Variants in CLUH observed in about 807,000 individuals in gnomAD.
The protein encoded by CLUH is clustered mitochondria protein homolog.
CLUH carries 77 observed loss-of-function variants against 139.3 expected under a neutral mutation model. The ratio of observed to expected loss-of-function variants is 0.55; its 90% CI spans 0.46 to 0.67. CLUH has a LOEUF of 0.67. Among genes scored for constraint, CLUH ranks in the 30% least tolerant of loss-of-function variants. The pLI, the probability that CLUH is intolerant of heterozygous loss-of-function variation, is 0.00. For missense variants in CLUH, 1,876 were observed against 1,875.8 expected, an observed-to-expected ratio of 1.00 and a Z score of 0.00; for synonymous variants, 999 against 801.6, an observed-to-expected ratio of 1.25 and a Z score of -4.16.
chr17:2,700,991 G>A, intron 7 of CLUH, 149 bp downstream of exon 7: 1 of 1,456,936 alleles, frequency 6.9e-7, no homozygotes, highest in Non-Finnish European at 9.2e-7. Context: ...TGCTGTCTCG[G>A]CACTGGCCGA....
chr17:2,693,995 G>A lies in CLUH; in HGVS notation c.3136C>T (p.Leu1046=). 6.2e-7 allele frequency: 1 copy of A among 1,613,952 alleles called. No homozygotes were observed. The highest frequency in any genetic ancestry group is 8.5e-7 in the Non-Finnish European group (1 of 1,179,860). Residue 1046 remains leucine (L), a synonymous_variant, in exon 19 of 26, where the codon CTG becomes TTG. Coordinates refer to ENST00000651024, the MANE Select transcript of CLUH (RefSeq NM_001366661.1). ...ATGGCTCCGTAGACGTTGTTAAACA[G>A]GTTCAGGGCCTCATTGATGAGCTCA... The part of the protein sequence containing the change: ...GCELINEALN[L]FNNVYGAMHV...
intron 8 of CLUH, 73 bp from the exon 9 acceptor site, chr17:2,700,547 C>CT: frequency 6.4e-7 from 1 of 1,559,506 alleles, no homozygotes; most frequent in Non-Finnish European, 8.7e-7. Flanking sequence ...GTCGCTCCTT[C>CT]TACCTTCCTG....
intron 13 of CLUH, 173 bp downstream of exon 13, chr17:2,695,986 G>A (rs1488572186): frequency 3.2e-5 from 20 of 618,282 alleles, no homozygotes; most frequent in African/African-American, 2.6e-4. Context: ...CAGGGCCTGT[G>A]CCCTTGACCT....
chr17:2,700,847 G>A lies in CLUH; in HGVS notation c.1026-22C>T, dbSNP rs1046617617. On this transcript the variant is annotated intron_variant, in intron 7 of 25. Transcript: ENST00000651024. Reference sequence around the variant, plus strand: ...GACCCTGTGGCAGGCAGGGGAGGGGGAGATGGGGCAGCCCACCAAGCTCAG... The same window carrying A: ...GACCCTGTGGCAGGCAGGGGAGGGGAAGATGGGGCAGCCCACCAAGCTCAG... 5.3e-6 allele frequency: 8 copies of A among 1,508,050 alleles called. No homozygotes were observed. The African/African-American group carries it at 8.4e-5, about 16-fold the overall frequency. The allele number at this position is 1,508,050 out of a possible 1,614,324, so 93.4% of individuals were successfully genotyped here.
chr17:2,697,966 A>C lies in CLUH; in HGVS notation c.1891T>G (p.Phe631Val). The C allele has an allele frequency of 6.4e-7, 1 of 1,573,670 alleles. No individual in the cohort carries two copies. ...ELPEECARAG[F>V]PRAHRHKLCC... ...AGCTTGTGCCGGTGGGCGCGGGGGA[A>C]GCCGGCGCGGGCGCATTCCTCAGGC... The change falls in exon 10 of 26, where the codon TTC becomes GTC. Residue 631 changes from phenylalanine (F) to valine (V), a missense_variant. Phe to Val is a conservative substitution (Grantham distance 50). Coordinates refer to ENST00000651024, the MANE Select transcript of CLUH (RefSeq NM_001366661.1).
At position 2,704,851 on chromosome 17, in the gene CLUH, G is replaced by A. The variant is rs898076919; in HGVS notation, c.101-287C>T. Reference sequence around the variant, plus strand: ...CAAAGCCACCCTTCAAGCCAAGCCCGAGGGTCTCCTCCGGCCCTAACACAC... The same window carrying A: ...CAAAGCCACCCTTCAAGCCAAGCCCAAGGGTCTCCTCCGGCCCTAACACAC... On this transcript the variant is annotated intron_variant, in intron 1 of 25. Transcript: ENST00000651024. This position sits in a 1 kb window ranked among gnomAD's most constrained non-coding sequence, Gnocchi z 5.7. Among the ~76,000 whole-genome samples, 1 of 152,046 alleles carries A rather than the reference G, an allele frequency of 6.6e-6. No individual in the cohort carries two copies. Among genetic ancestry groups the A allele is most frequent in the Admixed American group, 6.5e-5 (1 of 15,274 alleles).
At chr17:2,699,670 C>A (rs1174259218) in intron 9 of CLUH, among the ~76,000 whole-genome samples, 2 of 149,678 alleles carry the variant, frequency 1.3e-5, no homozygotes, top group Non-Finnish European at 3.0e-5. Flanking sequence ...CTTGTTCTGT[C>A]GCCCAGGCTG....
chr17:2,695,895 CT>C (rs1247185112), intron 13 of CLUH: 2 of 587,556 alleles, frequency 3.4e-6, no homozygotes, highest in Admixed American at 3.1e-5. Flanking sequence ...CCACTGAGCT[CT>C]GGCCCCGTCC....
chr17:2,697,483 G>A (rs1305300817), intron 10 of CLUH, among the ~76,000 whole-genome samples: 1 of 151,920 alleles, frequency 6.6e-6, no homozygotes, highest in Non-Finnish European at 1.5e-5. Flanking sequence ...TCTCAACAGT[G>A]ACAGGAAGCC....
At chr17:2,695,607 C>A (rs2069909785) in intron 13 of CLUH, 81 bp from the exon 14 acceptor site, 2 of 1,451,512 alleles carry the variant, frequency 1.4e-6, no homozygotes, top group East Asian at 2.5e-5. Context: ...GCACAGCTAT[C>A]CTGGGAGGCC....
At position 2,692,861 on chromosome 17, in the gene CLUH, C is replaced by T; in HGVS notation, c.3232-1G>A. ...CCGCCTTCTGCTGGTTACTCAGGGCCTGGGGAGAGACAGTGGTGGTTGCCG... is the reference window on the plus strand; with the variant it reads ...CCGCCTTCTGCTGGTTACTCAGGGCTTGGGGAGAGACAGTGGTGGTTGCCG... On this transcript the variant is annotated splice_acceptor_variant, in intron 19 of 25. Transcript: ENST00000651024. LOFTEE classifies it high-confidence loss of function. 3 of 1,589,354 alleles carry T rather than the reference C, an allele frequency of 1.9e-6. No individual in the cohort carries two copies. Among genetic ancestry groups the T allele is most frequent in the Non-Finnish European group, 2.6e-6 (3 of 1,165,588 alleles).
chr17:2,695,429 T>C lies in CLUH; in HGVS notation c.2489A>G (p.Lys830Arg), dbSNP rs1383287324. 6.2e-7 allele frequency: 1 copy of C among 1,612,488 alleles called. No individual in the cohort carries two copies. Among genetic ancestry groups the C allele is most frequent in the Non-Finnish European group, 8.5e-7 (1 of 1,179,782 alleles). ...QRGINMRYLG[K>R]VLELVLRSPA... Reference sequence around the variant, plus strand: ...GCTCCGCAGCACCAGCTCCAGCACCTTGCCCAGGTAGCGCATGTTGATGCC... The same window carrying C: ...GCTCCGCAGCACCAGCTCCAGCACCCTGCCCAGGTAGCGCATGTTGATGCC... The change falls in exon 14 of 26, where the codon AAG (lysine) becomes AGG (arginine). Residue 830 changes from lysine to arginine, a missense_variant. Around this residue, in one of 3 missense-constraint regions of CLUH, gnomAD observed 1,454 missense variants for 1,384.4 expected, o/e 1.05. Transcript: ENST00000651024.
chr17:2,691,039 G>A (rs1453431369), intron 25 of CLUH, among the ~76,000 whole-genome samples: 1 of 151,990 alleles, frequency 6.6e-6, no homozygotes, highest in Non-Finnish European at 1.5e-5. Context: ...GGAGTTGGGG[G>A]GCTGCTGCCA....
At position 2,689,823 on chromosome 17, in the gene CLUH, A is replaced by C. The variant is rs1433928716; in HGVS notation, c.*771T>G. On this transcript the variant is annotated 3_prime_UTR_variant, in exon 26 of 26. Coordinates refer to ENST00000651024, the MANE Select transcript of CLUH (RefSeq NM_001366661.1). ...GCCCCCGGCCCACTGTGCGTTCGGCAGCTCAGGTTAAAACTGAGGGGAGGG... is the reference window on the plus strand; with the variant it reads ...GCCCCCGGCCCACTGTGCGTTCGGCCGCTCAGGTTAAAACTGAGGGGAGGG... The C allele has an allele frequency of 6.6e-6, 1 of 152,208 alleles. No individual in the cohort carries two copies. The highest frequency in any genetic ancestry group is 2.4e-5 in the African/African-American group (1 of 40,992). 9.4% of individuals were successfully genotyped at this position (152,208 alleles called of 1,614,324 possible).
rs1010148611 is a variant in CLUH, at chr17:2,704,065, G to C, written c.303+297C>G. Among the ~76,000 whole-genome samples, 3 of 152,154 alleles carry C rather than the reference G, an allele frequency of 2.0e-5. No individual in the cohort carries two copies. The highest frequency in any genetic ancestry group is 4.8e-5 in the African/African-American group (2 of 41,426). On this transcript the variant is annotated intron_variant, in intron 2 of 25. Transcript: ENST00000651024. The surrounding 1 kb of genome is among the most constrained non-coding windows in gnomAD (Gnocchi z 5.7). ...GAGAGGTGACTTGCCTGAGGGCACAGAGCAAGAGGCTGGGGAGTCCTGGGA... is the reference window on the plus strand; with the variant it reads ...GAGAGGTGACTTGCCTGAGGGCACACAGCAAGAGGCTGGGGAGTCCTGGGA...
chr17:2,702,442 T>C (rs997011461), intron 3 of CLUH, among the ~76,000 whole-genome samples: 2 of 152,170 alleles, frequency 1.3e-5, no homozygotes, highest in South Asian at 2.1e-4. Flanking sequence ...GGCAGCCTCA[T>C]GTAGGGGTGG....
At chr17:2,701,868 G>T in intron 4 of CLUH, 46 bp downstream of exon 4, 1 of 1,609,620 alleles carries the variant, frequency 6.2e-7, no homozygotes, top group Non-Finnish European at 8.5e-7. Context: ...CCACCTCCGT[G>T]CTCCCCGCCC....
In CLUH at chr17:2,701,597, T is replaced by C; in HGVS notation, c.744+16A>G. 1 of 1,609,118 alleles carries C rather than the reference T, an allele frequency of 6.2e-7. No homozygotes were observed. The highest frequency in any genetic ancestry group is 8.5e-7 in the Non-Finnish European group (1 of 1,177,624). On this transcript the variant is annotated intron_variant, in intron 5 of 25. Coordinates refer to ENST00000651024, the MANE Select transcript of CLUH (RefSeq NM_001366661.1). Reference sequence around the variant, plus strand: ...CCCCGCCAGGGACCCTCTTCCTCCCTCCCCCAGGATCCTACCTTCCAGTCA... The same window carrying C: ...CCCCGCCAGGGACCCTCTTCCTCCCCCCCCCAGGATCCTACCTTCCAGTCA...
chr17:2,700,560 AAGAGCCCC>A, intron 8 of CLUH, 86 bp from the exon 9 acceptor site: 1 of 1,550,952 alleles, frequency 6.4e-7, no homozygotes, highest in Admixed American at 1.8e-5. Flanking sequence ...CCTTCCTGAG[AAGAGCCCC>A]AGACTCCCAA....
Sources: gnomAD v4.1 joint callset for allele counts (sites outside exome capture counted in the v4.1 genomes callset) on GRCh38, gnomAD v4.1.1 for gene constraint, gnomAD v4.1.1 regional missense constraint, Gnocchi (gnomAD v3.1) non-coding constraint, MANE v1.5 for transcripts, NCBI Gene and HGNC (gene_info 2026-07-23, HGNC 2026-07-21) for gene names.